GFRA1: variants seen among roughly 807,000 people sequenced by gnomAD.
GFRA1 encodes the protein GDNF family receptor alpha-1.
GFRA1 carries 16 observed loss-of-function variants against 51.6 expected under a neutral mutation model. The ratio of observed to expected loss-of-function variants is 0.31; its 90% CI spans 0.21 to 0.47. GFRA1 has a LOEUF of 0.47. GFRA1 is among the 20% of genes least tolerant of loss of function. The pLI is 1.00. For missense variants in GFRA1, 530 were observed against 594.3 expected, an observed-to-expected ratio of 0.89 and a Z score of 1.13; for synonymous variants, 270 against 241.3, an observed-to-expected ratio of 1.12 and a Z score of -1.10.
intron 4 of GFRA1, among the ~76,000 whole-genome samples, chr10:116,250,046 A>G (rs1018639205): frequency 1.3e-5 from 2 of 152,158 alleles, no homozygotes; most frequent in African/African-American, 4.8e-5. Flanking sequence ...ATTCCAGATG[A>G]CGGGGGGAAG....
chr10:116,062,081 C>T lies in GFRA1; in HGVS notation c.*2317G>A, dbSNP rs1954844712. 2.5e-6 allele frequency: 1 copy of T among 398,436 alleles called. No homozygotes were observed. The highest frequency in any genetic ancestry group is 1.3e-4 in the South Asian group (1 of 7,854). The allele number at this position is 398,436 out of a possible 1,614,324, so 24.7% of individuals were successfully genotyped here. ...AAATGTAATTTATATATTGCCTACC[C>T]ATGCATTCTTCAATGAAGGCTGCCC... On this transcript the variant is annotated 3_prime_UTR_variant, in exon 11 of 11. Coordinates refer to ENST00000355422, the MANE Select transcript of GFRA1 (RefSeq NM_005264.8).
chr10:116,098,660 C>T (rs1357162816), intron 6 of GFRA1, among the ~76,000 whole-genome samples: 1 of 152,200 alleles, frequency 6.6e-6, no homozygotes, highest in East Asian at 1.9e-4. Context: ...CCCCCAGAGA[C>T]AAGACAAAAG....
At chr10:116,226,827 T>TCA (rs1304054606) in intron 4 of GFRA1, 1 of 369,928 alleles carries the variant, frequency 2.7e-6, no homozygotes, top group Admixed American at 3.0e-5. Context: ...CAGTGACAGA[T>TCA]CATCAGGTAT....
At chr10:116,068,240 TTG>T (rs1302516800) in intron 9 of GFRA1, among the ~76,000 whole-genome samples, 3 of 152,182 alleles carry the variant, frequency 2.0e-5, no homozygotes, top group Non-Finnish European at 4.4e-5. Context: ...ACTGCTTACA[TTG>T]TGTGTTAACA....
intron 5 of GFRA1, among the ~76,000 whole-genome samples, chr10:116,189,066 C>A (rs1589856530): frequency 6.7e-6 from 1 of 148,158 alleles, no homozygotes. Context: ...GCCATCCTGG[C>A]CAACACAGGG....
At chr10:116,133,859 G>C (rs1958208738) in intron 5 of GFRA1, among the ~76,000 whole-genome samples, 1 of 152,210 alleles carries the variant, frequency 6.6e-6, no homozygotes, top group Non-Finnish European at 1.5e-5. Context: ...TTATGTCATG[G>C]GAGAAGCTTT....
chr10:116,195,866 T>C (rs1455145544), intron 5 of GFRA1, among the ~76,000 whole-genome samples: 1 of 152,182 alleles, frequency 6.6e-6, no homozygotes, highest in Admixed American at 6.5e-5. Flanking sequence ...TCTGTCCCCG[T>C]TTGATTTGGG....
rs2134849977 is a variant in GFRA1, at chr10:116,272,539, C to T, written c.-246-264G>A. ...TTCAACCCGAGACGCTGAACGCAAGCAAATAAATAAATAAACGGTACTTTC... is the reference window on the plus strand; with the variant it reads ...TTCAACCCGAGACGCTGAACGCAAGTAAATAAATAAATAAACGGTACTTTC... On this transcript the variant is annotated intron_variant, in intron 1 of 10. Transcript: ENST00000355422. The surrounding 1 kb of genome is among the most constrained non-coding windows in gnomAD (Gnocchi z 4.4). 6.4e-6 allele frequency: 1 copy of T among 155,372 alleles called. No individual in the cohort carries two copies. Among genetic ancestry groups the T allele is most frequent in the Admixed American group, 6.4e-5 (1 of 15,698 alleles). 9.6% of individuals were successfully genotyped at this position (155,372 alleles called of 1,614,324 possible).
In GFRA1 at chr10:116,063,356, A is replaced by G. The variant is rs1954917210; in HGVS notation, c.*1042T>C. Reference sequence around the variant, plus strand: ...GCCTGTCCACAGTCACATGATGCAGAACTTTCTGCTACAGCACGAGGCTTC... The same window carrying G: ...GCCTGTCCACAGTCACATGATGCAGGACTTTCTGCTACAGCACGAGGCTTC... On this transcript the variant is annotated 3_prime_UTR_variant, in exon 11 of 11. Coordinates refer to ENST00000355422, the MANE Select transcript of GFRA1 (RefSeq NM_005264.8). The G allele has an allele frequency of 6.6e-6, 1 of 152,264 alleles. No homozygotes were observed. Among genetic ancestry groups the G allele is most frequent in the African/African-American group, 2.4e-5 (1 of 41,476 alleles). 9.4% of individuals were successfully genotyped at this position (152,264 alleles called of 1,614,324 possible). A position where few individuals can be genotyped will look rare whatever the true frequency, so the allele number is the denominator to read the frequency against.
intron 6 of GFRA1, among the ~76,000 whole-genome samples, chr10:116,119,909 G>A (rs146035082): frequency 1.2e-3 from 183 of 152,358 alleles, no homozygotes; most frequent in African/African-American, 4.1e-3. Flanking sequence ...GTGTCACGGG[G>A]TCACCCCCAG....
intron 5 of GFRA1, among the ~76,000 whole-genome samples, chr10:116,191,574 G>GA (rs1331255112): frequency 2.3e-4 from 34 of 150,452 alleles, no homozygotes; most frequent in East Asian, 2.1e-3. Context: ...ATTGCCAGGG[G>GA]AAAAAAAAAG....
At chr10:116,133,159 G>C (rs894502791) in intron 5 of GFRA1, among the ~76,000 whole-genome samples, 2 of 151,892 alleles carry the variant, frequency 1.3e-5, no homozygotes, top group African/African-American at 4.8e-5. Flanking sequence ...TTTCTTGGGG[G>C]AGTGCATATG....
intron 4 of GFRA1, 116 bp from the exon 5 acceptor site, chr10:116,211,761 C>A: frequency 1.2e-6 from 1 of 809,100 alleles, no homozygotes; most frequent in East Asian, 2.7e-5. Context: ...CTTTGCTAAG[C>A]ACTCTATGCA....
At chr10:116,186,204 T>C (rs753054066) in intron 5 of GFRA1, among the ~76,000 whole-genome samples, 7 of 152,136 alleles carry the variant, frequency 4.6e-5, no homozygotes, top group Admixed American at 2.6e-4. Flanking sequence ...ACTGTACCAG[T>C]GACAGTCCTT....
intron 4 of GFRA1, among the ~76,000 whole-genome samples, chr10:116,259,353 G>T (rs1429982648): frequency 2.8e-5 from 4 of 143,778 alleles, no homozygotes; most frequent in African/African-American, 1.0e-4. Flanking sequence ...ATTGTGTAAT[G>T]CTATTTATAC....
At chr10:116,090,432 T>TAAAAA (rs35493394) in intron 8 of GFRA1, among the ~76,000 whole-genome samples, 2,326 of 121,068 alleles carry the variant, frequency 0.019, 39 homozygotes, top group Non-Finnish European at 0.031. Flanking sequence ...CCAGTTTCTT[T>TAAAAA]AAAAAAAAAA....
chr10:116,195,195 A>T (rs1017887903), intron 5 of GFRA1, among the ~76,000 whole-genome samples: 3 of 152,182 alleles, frequency 2.0e-5, no homozygotes, highest in Non-Finnish European at 4.4e-5. Flanking sequence ...GCTTTCTTTA[A>T]TACCTTCACA....
chr10:116,062,818 A>G lies in GFRA1; in HGVS notation c.*1580T>C, dbSNP rs1954884889. ...TTTCGGGTCTACTTAGTTAAGAAAG[A>G]GAATAATGGAAGATGATAAGTGGTT... On this transcript the variant is annotated 3_prime_UTR_variant, in exon 11 of 11. Coordinates refer to ENST00000355422, the MANE Select transcript of GFRA1 (RefSeq NM_005264.8). The G allele has an allele frequency of 6.6e-6, 1 of 152,230 alleles. No homozygotes were observed. Among genetic ancestry groups the G allele is most frequent in the Non-Finnish European group, 1.5e-5 (1 of 68,046 alleles). 9.4% of individuals were successfully genotyped at this position (152,230 alleles called of 1,614,324 possible). A position where few individuals can be genotyped will look rare whatever the true frequency, so the allele number is the denominator to read the frequency against.
intron 5 of GFRA1, among the ~76,000 whole-genome samples, chr10:116,173,180 G>C (rs1961214901): frequency 6.6e-6 from 1 of 152,158 alleles, no homozygotes; most frequent in African/African-American, 2.4e-5. Context: ...CTTCCACATA[G>C]ATGATTCCAT....
Sources: gnomAD v4.1 joint callset for allele counts (sites outside exome capture counted in the v4.1 genomes callset) on GRCh38, gnomAD v4.1.1 for gene constraint, Gnocchi (gnomAD v3.1) non-coding constraint, MANE v1.5 for transcripts, NCBI Gene and HGNC (gene_info 2026-07-23, HGNC 2026-07-21) for gene names.